Variants in PRKG1 observed in about 807,000 individuals in gnomAD.
PRKG1 encodes the protein cGMP-dependent protein kinase 1.
Under a neutral mutation model 88.1 loss-of-function variants are expected in PRKG1, and 35 were observed. The ratio of observed to expected loss-of-function variants is 0.40; its 90% confidence interval spans 0.30 to 0.53. The LOEUF (loss-of-function observed/expected upper bound fraction) is 0.53, where lower values mean the gene tolerates loss of function less well. Ranked by LOEUF, PRKG1 falls within the 20% of genes least tolerant of loss-of-function variation. PRKG1 has a pLI of 0.59. For missense variants in PRKG1, 540 were observed against 839.8 expected (o/e 0.64, Z 4.41); for synonymous variants, 303 against 292.5 (o/e 1.04, Z -0.37).
chr10:51,642,280 C>G (rs777353249), intron 3 of PRKG1, among the ~76,000 whole-genome samples: 5 of 152,114 alleles, frequency 3.3e-5, no homozygotes, highest in Non-Finnish European at 7.3e-5. Flanking sequence ...ATCCCAGCTA[C>G]TCAGGGGGCT....
At chr10:52,283,337 A>G (rs766407150) in intron 14 of PRKG1, among the ~76,000 whole-genome samples, 1 of 152,128 alleles carries the variant, frequency 6.6e-6, no homozygotes, top group Non-Finnish European at 1.5e-5. Flanking sequence ...ATTGTGAGGC[A>G]GGATGTGAAG....
intron 1 of PRKG1, among the ~76,000 whole-genome samples, chr10:51,149,875 T>A (rs1013760025): frequency 3.3e-5 from 5 of 152,002 alleles, no homozygotes; most frequent in Non-Finnish European, 5.9e-5. Context: ...TCCGCTTTTC[T>A]CCACCCAAGC....
rs774529833 is a variant in PRKG1, at chr10:51,804,573, A to G, written c.593-12A>G. 2 of 1,543,494 alleles carry G rather than the reference A, an allele frequency of 1.3e-6. No homozygotes were observed. The highest frequency in any genetic ancestry group is 1.7e-5 in the Admixed American group (1 of 58,796). On this transcript the variant is annotated splice_polypyrimidine_tract_variant and intron_variant, in intron 3 of 17. Transcript: ENST00000373980. ...ATTTTTCCCTGTTTGTTTCTCTTTT[A>G]TTTTTCTCCAGCTCTTGTAAATGTA...
chr10:52,253,168 G>A (rs1021958830), intron 10 of PRKG1, among the ~76,000 whole-genome samples: 2 of 151,762 alleles, frequency 1.3e-5, no homozygotes, highest in Non-Finnish European at 2.9e-5. Context: ...TTGTAGGACT[G>A]TTATAGGTCC....
intron 3 of PRKG1, among the ~76,000 whole-genome samples, chr10:51,711,905 T>C (rs1192417289): frequency 6.6e-6 from 1 of 152,230 alleles, no homozygotes; most frequent in Non-Finnish European, 1.5e-5. Context: ...TTCTTTTCTC[T>C]TTAAATAGTC....
chr10:51,788,603 C>T (rs908190224), intron 3 of PRKG1, among the ~76,000 whole-genome samples: 1 of 152,096 alleles, frequency 6.6e-6, no homozygotes, highest in Non-Finnish European at 1.5e-5. Context: ...AAAATAAACG[C>T]CAAATAGTAT....
chr10:51,722,241 AC>A (rs1842031938), intron 3 of PRKG1, among the ~76,000 whole-genome samples: 2 of 151,486 alleles, frequency 1.3e-5, no homozygotes, highest in Admixed American at 1.3e-4. Flanking sequence ...AAAAAAAAAA[AC>A]AACAACATAG....
intron 1 of PRKG1, among the ~76,000 whole-genome samples, chr10:51,020,174 T>C (rs920764097): frequency 6.6e-6 from 1 of 152,226 alleles, no homozygotes; most frequent in African/African-American, 2.4e-5. Context: ...TTTTATTTTT[T>C]ATTTTTTGAT....
intron 5 of PRKG1, among the ~76,000 whole-genome samples, chr10:51,968,505 T>C (rs528851350): frequency 2.0e-5 from 3 of 152,156 alleles, no homozygotes; most frequent in Non-Finnish European, 2.9e-5. Flanking sequence ...TGAGTGGCGA[T>C]GGTGATGATG....
At chr10:51,279,961 C>T (rs1410781003) in intron 2 of PRKG1, among the ~76,000 whole-genome samples, 1 of 152,190 alleles carries the variant, frequency 6.6e-6, no homozygotes, top group African/African-American at 2.4e-5. Flanking sequence ...GCAGTTTCTT[C>T]CTAGCATCGA....
chr10:51,997,859 C>T (rs1844490868), intron 5 of PRKG1, among the ~76,000 whole-genome samples: 1 of 151,930 alleles, frequency 6.6e-6, no homozygotes, highest in Non-Finnish European at 1.5e-5. Flanking sequence ...CTTTTCTTTT[C>T]TCCCCTTCCA....
At chr10:52,206,059 C>G (rs1240999843) in intron 9 of PRKG1, among the ~76,000 whole-genome samples, 1 of 152,148 alleles carries the variant, frequency 6.6e-6, no homozygotes, top group Non-Finnish European at 1.5e-5. Context: ...TCCAATGAGT[C>G]ATAGATTTGA....
intron 4 of PRKG1, among the ~76,000 whole-genome samples, chr10:51,817,731 C>A (rs1839630141): frequency 6.6e-6 from 1 of 152,010 alleles, no homozygotes; most frequent in Non-Finnish European, 1.5e-5. Context: ...AATCTAGGAC[C>A]AACCAATAAA....
chr10:51,265,940 G>A (rs1839825518), intron 2 of PRKG1, among the ~76,000 whole-genome samples: 1 of 152,178 alleles, frequency 6.6e-6, no homozygotes, highest in African/African-American at 2.4e-5. Flanking sequence ...TAGAGCAGTG[G>A]TCCTCAAACT....
chr10:51,764,241 A>G (rs546412361), intron 3 of PRKG1, among the ~76,000 whole-genome samples: 1 of 152,300 alleles, frequency 6.6e-6, no homozygotes, highest in South Asian at 2.1e-4. Flanking sequence ...ATTCTTTGTT[A>G]TGGATCTATT....
chr10:51,276,831 G>C (rs1233005154), intron 2 of PRKG1, among the ~76,000 whole-genome samples: 1 of 152,006 alleles, frequency 6.6e-6, no homozygotes, highest in East Asian at 1.9e-4. Context: ...TCGTAAATTT[G>C]TTTGATTTCA....
intron 5 of PRKG1, among the ~76,000 whole-genome samples, chr10:51,991,464 T>C (rs1404505645): frequency 1.3e-5 from 2 of 152,106 alleles, no homozygotes; most frequent in Non-Finnish European, 2.9e-5. Flanking sequence ...ATGCGCCATG[T>C]TGGTGTGCTG....
chr10:51,986,634 C>T (rs1359646457), intron 5 of PRKG1, among the ~76,000 whole-genome samples: 2 of 152,186 alleles, frequency 1.3e-5, no homozygotes, highest in Admixed American at 6.5e-5. Context: ...CCTGCTCCAA[C>T]ATGAACTATG....
chr10:52,110,063 A>G (rs1263906310), intron 7 of PRKG1, among the ~76,000 whole-genome samples: 1 of 151,670 alleles, frequency 6.6e-6, no homozygotes, highest in Non-Finnish European at 1.5e-5. Flanking sequence ...ACCTGATTCT[A>G]GGCCGGGCGC....
Sources: allele counts gnomAD v4.1 joint callset (sites outside exome capture counted in the v4.1 genomes callset), GRCh38; gene constraint gnomAD v4.1.1; transcripts MANE v1.5; gene names NCBI Gene and HGNC (gene_info 2026-07-23, HGNC 2026-07-21).